Variants in PTPRO observed in about 807,000 individuals in gnomAD.
The protein encoded by PTPRO is receptor-type tyrosine-protein phosphatase O.
A neutral mutation model predicts 145.2 loss-of-function variants in PTPRO; 62 were observed. That is an observed-to-expected ratio of 0.43 (90% CI 0.35 to 0.53). The LOEUF (loss-of-function observed/expected upper bound fraction) is 0.53. Ranked by LOEUF, PTPRO falls within the 20% of genes least tolerant of loss-of-function variation. The probability of loss-of-function intolerance (pLI) is 0.01; values close to 1 mark genes in which losing one functional copy is unlikely to be tolerated. For missense variants in PTPRO, 1,345 were observed against 1,482.7 expected (o/e 0.91, Z 1.53); for synonymous variants, 565 against 514.7 (o/e 1.10, Z -1.32).
At chr12:15,380,133 T>C (rs1329823194) in intron 1 of PTPRO, among the ~76,000 whole-genome samples, 1 of 152,146 alleles carries the variant, frequency 6.6e-6, no homozygotes, top group Non-Finnish European at 1.5e-5. Flanking sequence ...TTGAATGTTC[T>C]CAGATCCTGG....
intron 1 of PTPRO, among the ~76,000 whole-genome samples, chr12:15,356,025 A>G (rs1018337506): frequency 1.3e-5 from 2 of 152,188 alleles, no homozygotes; most frequent in African/African-American, 4.8e-5. Context: ...GTGTTGCCTG[A>G]GATTGTTGTG....
chr12:15,361,257 GA>G (rs1360644709), intron 1 of PTPRO, among the ~76,000 whole-genome samples: 1 of 151,424 alleles, frequency 6.6e-6, no homozygotes, highest in Non-Finnish European at 1.5e-5. Context: ...CCAGCATGGT[GA>G]AAACCCATCT....
intron 1 of PTPRO, among the ~76,000 whole-genome samples, chr12:15,406,457 T>A (rs952988613): frequency 2.2e-4 from 34 of 152,220 alleles, no homozygotes; most frequent in African/African-American, 8.2e-4. Flanking sequence ...CAGTCTTACA[T>A]ACAATAGTCA....
chr12:15,347,664 A>G (rs1867272312), intron 1 of PTPRO, among the ~76,000 whole-genome samples: 1 of 152,204 alleles, frequency 6.6e-6, no homozygotes, highest in Non-Finnish European at 1.5e-5. Context: ...TATACAAAAG[A>G]TAAATTTTTC....
At chr12:15,555,810 T>C (rs1269250586) in intron 15 of PTPRO, among the ~76,000 whole-genome samples, 2 of 152,212 alleles carry the variant, frequency 1.3e-5, no homozygotes, top group African/African-American at 2.4e-5. Context: ...TAAAATAAAA[T>C]ACATAGGATT....
chr12:15,518,224 C>T (rs1942640587), intron 9 of PTPRO, among the ~76,000 whole-genome samples: 1 of 152,040 alleles, frequency 6.6e-6, no homozygotes, highest in South Asian at 2.1e-4. Flanking sequence ...GCCACCAAGC[C>T]TTGGGGCTTG....
At chr12:15,486,583 A>G (rs1292698334) in intron 2 of PTPRO, among the ~76,000 whole-genome samples, 1 of 152,124 alleles carries the variant, frequency 6.6e-6, no homozygotes, top group Non-Finnish European at 1.5e-5. Context: ...TTTCTGGTAG[A>G]CACATTAAAA....
At position 15,503,946 on chromosome 12, in the gene PTPRO, C is replaced by T; in HGVS notation, c.1144C>T (p.His382Tyr). 1 of 1,587,758 alleles carries T rather than the reference C, an allele frequency of 6.3e-7. No individual in the cohort carries two copies. Among genetic ancestry groups the T allele is most frequent in the Non-Finnish European group, 8.6e-7 (1 of 1,156,450 alleles). ...TEYLMVDEEA[H>Y]EFVAELKEPG... ...ATATTTGATGGTGGATGAAGAAGCACATGAATTTGTTGCAGAACTGAAGGA... is the reference window on the plus strand; with the variant it reads ...ATATTTGATGGTGGATGAAGAAGCATATGAATTTGTTGCAGAACTGAAGGA... The change falls in exon 6 of 27, where the codon CAT (histidine) becomes TAT (tyrosine). Residue 382 changes from histidine to tyrosine, a missense_variant. Physicochemically the swap from His to Tyr is moderately conservative, Grantham distance 83 (BLOSUM62 2). Coordinates refer to ENST00000281171, the MANE Select transcript of PTPRO (RefSeq NM_030667.3).
intron 19 of PTPRO, 69 bp downstream of exon 19, chr12:15,569,567 C>G (rs1020480417): frequency 7.3e-7 from 1 of 1,360,742 alleles, no homozygotes; most frequent in Non-Finnish European, 1.1e-6. Context: ...GTTTGTGTTG[C>G]GGTCATGTCC....
chr12:15,401,868 G>C (rs1939503556), intron 1 of PTPRO, among the ~76,000 whole-genome samples: 2 of 152,180 alleles, frequency 1.3e-5, no homozygotes, highest in Admixed American at 6.5e-5. Context: ...AAATTTGTTA[G>C]AGTATAAATT....
Position 15,581,700 on chromosome 12 carries a change from C to T in PTPRO, c.3154C>T (p.Pro1052Ser). ...KRRVKCDHYW[P>S]FTEEPIAYGD... ...CCAGGTGAAATGTGACCATTACTGG[C>T]CATTCACGGAAGAACCTATAGCCTA... is the stretch of plus-strand genomic sequence containing the variant. Residue 1052 changes from proline to serine, a missense_variant, in exon 23 of 27, where the codon CCA becomes TCA. Transcript: ENST00000281171. The T allele has an allele frequency of 3.1e-6, 5 of 1,613,834 alleles. No homozygotes were observed. The highest frequency in any genetic ancestry group is 4.2e-6 in the Non-Finnish European group (5 of 1,179,800).
chr12:15,342,593 T>C (rs1184464650), intron 1 of PTPRO, among the ~76,000 whole-genome samples: 2 of 152,142 alleles, frequency 1.3e-5, no homozygotes, highest in Non-Finnish European at 2.9e-5. Context: ...ATATCAGCCT[T>C]TTTCCTATGA....
At chr12:15,489,997 G>A (rs1394688628) in intron 2 of PTPRO, among the ~76,000 whole-genome samples, 1 of 152,190 alleles carries the variant, frequency 6.6e-6, no homozygotes, top group Non-Finnish European at 1.5e-5. Context: ...AGTGTTAGCT[G>A]TTCCAGAAAA....
At chr12:15,561,077 T>A (rs767551634) in intron 17 of PTPRO, among the ~76,000 whole-genome samples, 3 of 152,134 alleles carry the variant, frequency 2.0e-5, no homozygotes, top group Non-Finnish European at 4.4e-5. Flanking sequence ...TTTCCTGTGC[T>A]ATAAGATAAA....
At chr12:15,589,284 G>A (rs554860321) in intron 24 of PTPRO, among the ~76,000 whole-genome samples, 171 bp from the exon 25 acceptor site, 2 of 151,958 alleles carry the variant, frequency 1.3e-5, no homozygotes, top group African/African-American at 4.8e-5. Context: ...GGTGAGGCAG[G>A]AGAATCACTT....
At chr12:15,462,624 A>G (rs1941330954) in intron 1 of PTPRO, among the ~76,000 whole-genome samples, 1 of 152,198 alleles carries the variant, frequency 6.6e-6, no homozygotes, top group Non-Finnish European at 1.5e-5. Flanking sequence ...CACTAAAAAT[A>G]ATTGCTTGAA....
chr12:15,349,028 T>C (rs1384332972), intron 1 of PTPRO, among the ~76,000 whole-genome samples: 1 of 152,354 alleles, frequency 6.6e-6, no homozygotes, highest in African/African-American at 2.4e-5. Context: ...GTCTCTTTTT[T>C]ATGGCATTTT....
intron 6 of PTPRO, among the ~76,000 whole-genome samples, chr12:15,506,873 G>A (rs1942331205): frequency 6.6e-6 from 1 of 152,134 alleles, no homozygotes; most frequent in African/African-American, 2.4e-5. Context: ...GATTCAGAGA[G>A]GTTAACTCAT....
At chr12:15,515,921 G>A (rs1462709309) in intron 8 of PTPRO, among the ~76,000 whole-genome samples, 1 of 151,362 alleles carries the variant, frequency 6.6e-6, no homozygotes, top group African/African-American at 2.4e-5. Flanking sequence ...GGAGGCTGAG[G>A]TGGGAGGACT....
Sources: allele counts gnomAD v4.1 joint callset (sites outside exome capture counted in the v4.1 genomes callset), GRCh38; gene constraint gnomAD v4.1.1; transcripts MANE v1.5; gene names NCBI Gene and HGNC (gene_info 2026-07-23, HGNC 2026-07-21).